Variants in CC2D2B observed in about 807,000 individuals in gnomAD.
CC2D2B encodes coiled-coil and C2 domain containing 2B, also known as protein CC2D2B.
In CC2D2B, 128 loss-of-function variants were observed where a neutral mutation model predicts 161.2. That is an observed-to-expected ratio of 0.79 (90% CI 0.69 to 0.92). The LOEUF is 0.92. CC2D2B is among the 40% of genes least tolerant of loss of function. The probability of loss-of-function intolerance (pLI) is 0.00; values close to 1 mark genes in which losing one functional copy is unlikely to be tolerated. For synonymous variants in CC2D2B, 391 were observed against 449.8 expected, an observed-to-expected ratio of 0.87 and a Z score of 1.65; for missense variants, 1,173 against 1,375.1, an observed-to-expected ratio of 0.85 and a Z score of 2.32.
intron 28 of CC2D2B, 47 bp downstream of exon 28, chr10:96,012,776 C>A: frequency 8.5e-7 from 1 of 1,178,642 alleles, no homozygotes; most frequent in Non-Finnish European, 1.3e-6. Context: ...TAAAGGGCAT[C>A]TGTGAAGAAT....
intron 32 of CC2D2B, 173 bp downstream of exon 32, chr10:96,019,997 C>T (rs2079383661): frequency 1.9e-6 from 1 of 515,514 alleles, no homozygotes; most frequent in Non-Finnish European, 3.4e-6. Flanking sequence ...CTTTCCCCTA[C>T]TTGCAGAAAA....
In CC2D2B at chr10:96,011,777, A is replaced by AC. The variant is rs549197113; in HGVS notation, c.3046-408_3046-407insC. On this transcript the variant is annotated intron_variant, in intron 26 of 34. Coordinates refer to ENST00000646931, the MANE Select transcript of CC2D2B (RefSeq NM_001349008.3). ...TACACACACACACACACACACACAC[A>AC]ATTTCTCCTACTGTGGACCTCAGGG... Among the ~76,000 whole-genome samples, 7 of 144,932 alleles carry AC rather than the reference A, an allele frequency of 4.8e-5. No homozygotes were observed. The East Asian group carries it at 8.0e-4, about 17-fold the overall frequency.
chr10:96,015,026 C>G (rs916732074), intron 29 of CC2D2B, among the ~76,000 whole-genome samples: 3 of 152,070 alleles, frequency 2.0e-5, no homozygotes, highest in Non-Finnish European at 4.4e-5. Flanking sequence ...CTGGCCCCCA[C>G]AGCCCCTTCT....
rs2075748955 is a variant in CC2D2B at position 95,934,621 on chromosome 10, G to A, written c.337-3370G>A. Among the ~76,000 whole-genome samples, 5 of 152,124 alleles carry A rather than the reference G, an allele frequency of 3.3e-5. No individual in the cohort carries two copies. The South Asian group carries it at 1.0e-3, about 32-fold the overall frequency. Reference sequence around the variant, plus strand: ...GTTCCTCATGGCACAGTCCCTCAGGGCTTCCCTTGGCTAGGGGAGGGAGTT... The same window carrying A: ...GTTCCTCATGGCACAGTCCCTCAGGACTTCCCTTGGCTAGGGGAGGGAGTT... On this transcript the variant is annotated intron_variant, in intron 6 of 34. Coordinates refer to ENST00000646931, the MANE Select transcript of CC2D2B (RefSeq NM_001349008.3).
intron 6 of CC2D2B, among the ~76,000 whole-genome samples, chr10:95,933,340 T>G (rs2075680515): frequency 6.6e-6 from 1 of 152,154 alleles, no homozygotes. Flanking sequence ...CTCTTTTAGC[T>G]CAGAGGAATT....
At chr10:95,915,017 TTAACA>T (rs2098513479) in intron 2 of CC2D2B, among the ~76,000 whole-genome samples, 1 of 152,216 alleles carries the variant, frequency 6.6e-6, no homozygotes, top group African/African-American at 2.4e-5. Context: ...AATGGACATT[TTAACA>T]ATATTGACTC....
In CC2D2B at chr10:96,024,921, T is replaced by C. The variant is rs552498396; in HGVS notation, c.3947+10T>C. The C allele has an allele frequency of 1.9e-5, 29 of 1,495,036 alleles. No individual in the cohort carries two copies. The African/African-American group carries it at 3.8e-4, about 19-fold the overall frequency. 92.6% of individuals were successfully genotyped at this position (1,495,036 alleles called of 1,614,324 possible). A position where few individuals can be genotyped will look rare whatever the true frequency, so the allele number is the denominator to read the frequency against. On this transcript the variant is annotated intron_variant, in intron 33 of 34. Coordinates refer to ENST00000646931, the MANE Select transcript of CC2D2B (RefSeq NM_001349008.3). ...AAGATCTAAGGAATAGGTACTGTGT[T>C]TTCCCCTAATCTCTTGTTGGGTTAC... is the stretch of plus-strand genomic sequence containing the variant.
rs2077613792 is a variant in CC2D2B, at chr10:95,983,621, G to A, written c.2098G>A (p.Gly700Arg). ...CGTTTTACAGTACATGAGACTTAAG[G>A]GGCAGGATATTCCAAAGTATTTTCG... Reference protein sequence around the residue: ...MESVTYMRLKGQDIPKYFRLE... With the variant: ...MESVTYMRLKRQDIPKYFRLE... Residue 700 changes from glycine to arginine, a missense_variant, in exon 19 of 35, where the codon GGG becomes AGG. Transcript: ENST00000646931. 8.1e-7 allele frequency: 1 copy of A among 1,230,496 alleles called. No individual in the cohort carries two copies. The highest frequency in any genetic ancestry group is 4.1e-5 in the South Asian group (1 of 24,288). 76.2% of individuals were successfully genotyped at this position (1,230,496 alleles called of 1,614,324 possible). A position where few individuals can be genotyped will look rare whatever the true frequency, so the allele number is the denominator to read the frequency against.
chr10:95,981,859 A>G, intron 17 of CC2D2B, 116 bp from the exon 18 acceptor site: 1 of 516,538 alleles, frequency 1.9e-6, no homozygotes, highest in East Asian at 3.6e-5. Flanking sequence ...GGATGGATAA[A>G]TTTTATCTTC....
chr10:95,928,409 C>A (rs138078694), intron 6 of CC2D2B, among the ~76,000 whole-genome samples: 298 of 151,968 alleles, frequency 2.0e-3, no homozygotes, highest in African/African-American at 6.8e-3. Flanking sequence ...TGCACACACA[C>A]GTTTTTATTA....
Position 96,016,274 on chromosome 10 carries a change from G to A in CC2D2B, c.3590G>A (p.Gly1197Glu). ...ILLCNFFLYFGKKALVLLGTS... is the reference protein window; with the variant it reads ...ILLCNFFLYFEKKALVLLGTS... ...CTCTGTAATTTCTTTCTGTATTTTG[G>A]AAAGAAGGCACTGGTCCTCTTGGGA... Residue 1197 changes from glycine to glutamate, a missense_variant, in exon 30 of 35, where the codon GGA becomes GAA. Coordinates refer to ENST00000646931, the MANE Select transcript of CC2D2B (RefSeq NM_001349008.3). 6.2e-7 allele frequency: 1 copy of A among 1,613,328 alleles called. No individual in the cohort carries two copies. Among genetic ancestry groups the A allele is most frequent in the African/African-American group, 1.3e-5 (1 of 74,984 alleles).
intron 33 of CC2D2B, among the ~76,000 whole-genome samples, chr10:96,025,192 AATATATATATAT>A (rs10524712): frequency 2.0e-5 from 1 of 49,204 alleles, no homozygotes; most frequent in East Asian, 6.4e-4. Context: ...TATAAAAAAA[AATATATATATAT>A]ATATATATAT....
rs2078188508 is a variant in CC2D2B at position 95,995,286 on chromosome 10, C to T, written c.2660C>T (p.Thr887Ile). Residue 887 changes from threonine (T) to isoleucine (I), a missense_variant, in exon 23 of 35, where the codon ACT becomes ATT. Coordinates refer to ENST00000646931, the MANE Select transcript of CC2D2B (RefSeq NM_001349008.3). ...TTINGSLDMP[T>I]CLKSSISCLR... is the part of the protein sequence containing the mutation. ...TCCTGAAGATCCTTGGATATGCCTA[C>T]TTGTTTGAAATCATCTATATCTTGC... is the stretch of plus-strand genomic sequence containing the variant. The T allele has an allele frequency of 6.6e-7, 1 of 1,526,260 alleles. No individual in the cohort carries two copies. The highest frequency in any genetic ancestry group is 1.2e-5 in the South Asian group (1 of 82,128). 94.5% of individuals were successfully genotyped at this position (1,526,260 alleles called of 1,614,324 possible). A position where few individuals can be genotyped will look rare whatever the true frequency, so the allele number is the denominator to read the frequency against.
chr10:95,938,146 A>G lies in CC2D2B; in HGVS notation c.492A>G (p.Ile164Met). ...AADYEDDQEQ[I>M]KKQKANIFVP... Reference sequence around the variant, plus strand: ...ACTATGAAGATGATCAAGAACAAATAAAAAAACAGAAGGCAAATATTTTTG... The same window carrying G: ...ACTATGAAGATGATCAAGAACAAATGAAAAAACAGAAGGCAAATATTTTTG... The change falls in exon 7 of 35, where the codon ATA becomes ATG. Residue 164 changes from isoleucine to methionine, a missense_variant. By Grantham distance (10) the Ile-to-Met change is conservative. Coordinates refer to ENST00000646931, the MANE Select transcript of CC2D2B (RefSeq NM_001349008.3). 1.3e-6 allele frequency: 2 copies of G among 1,550,112 alleles called. No individual in the cohort carries two copies. Among genetic ancestry groups the G allele is most frequent in the Non-Finnish European group, 1.7e-6 (2 of 1,145,830 alleles).
chr10:96,026,039 T>C (rs1037017762), intron 33 of CC2D2B, among the ~76,000 whole-genome samples: 1 of 152,200 alleles, frequency 6.6e-6, no homozygotes, highest in African/African-American at 2.4e-5. Context: ...AATACAGGTA[T>C]GAGCATCCCT....
intron 9 of CC2D2B, among the ~76,000 whole-genome samples, chr10:95,945,190 C>T (rs2076154200): frequency 6.6e-6 from 1 of 152,224 alleles, no homozygotes; most frequent in Non-Finnish European, 1.5e-5. Flanking sequence ...GCCTCAGGTA[C>T]TCTGTTATAG....
intron 16 of CC2D2B, 116 bp downstream of exon 16, chr10:95,972,332 G>A: frequency 1.5e-6 from 1 of 665,924 alleles, no homozygotes; most frequent in Non-Finnish European, 2.1e-6. Context: ...ATTCTTTTTT[G>A]TTTGTTTGTT....
At chr10:95,996,389 A>T in intron 24 of CC2D2B, 137 bp downstream of exon 24, 1 of 536,884 alleles carries the variant, frequency 1.9e-6, no homozygotes, top group African/African-American at 1.9e-5. Context: ...TCATGCACAT[A>T]AACTAATACA....
chr10:95,943,944 C>T (rs1170813084), intron 9 of CC2D2B, among the ~76,000 whole-genome samples: 1 of 152,116 alleles, frequency 6.6e-6, no homozygotes, highest in Non-Finnish European at 1.5e-5. Flanking sequence ...GATTTAAAGA[C>T]TGAATTACAG....
Sources: gnomAD v4.1 joint callset for allele counts (sites outside exome capture counted in the v4.1 genomes callset) on GRCh38, gnomAD v4.1.1 for gene constraint, MANE v1.5 for transcripts, NCBI Gene and HGNC (gene_info 2026-07-23, HGNC 2026-07-21) for gene names.